VTCN1: variants seen among roughly 807,000 people sequenced by gnomAD.
VTCN1 encodes V-set domain-containing T-cell activation inhibitor 1.
In VTCN1, 26 loss-of-function variants were observed where a neutral mutation model predicts 26.5. That is an observed-to-expected ratio of 0.98 (90% CI 0.72 to 1.36). VTCN1 has a LOEUF of 1.36. Among genes scored for constraint, VTCN1 ranks in the 40% most tolerant of loss-of-function variants. The pLI is 0.00. For missense variants in VTCN1, 298 were observed against 337.7 expected, an observed-to-expected ratio of 0.88 and a Z score of 0.92; for synonymous variants, 116 against 130.7, an observed-to-expected ratio of 0.89 and a Z score of 0.77.
intron 1 of VTCN1, among the ~76,000 whole-genome samples, chr1:117,176,427 A>G (rs1403110452): frequency 7.0e-6 from 1 of 141,854 alleles, no homozygotes; most frequent in Non-Finnish European, 1.5e-5. Flanking sequence ...TTCTAAAAAC[A>G]AGAGCTTTCT....
Position 117,154,484 on chromosome 1 carries a change from C to A in VTCN1, c.446-1115G>T, listed in dbSNP as rs186396938. On this transcript the variant is annotated intron_variant, in intron 3 of 5. Coordinates refer to ENST00000369458, the MANE Select transcript of VTCN1 (RefSeq NM_024626.4). The stretch of plus-strand genomic sequence containing the variant: ...AACATCTTAACCAATGTGCATTAGT[C>A]AAAACTGAGAAACTGGAGGCCAGGC... Among the ~76,000 whole-genome samples, 21 of 152,260 alleles carry A rather than the reference C, an allele frequency of 1.4e-4. No homozygotes were observed. In the East Asian group the frequency reaches 3.7e-3, roughly 27 times the overall value.
At position 117,147,755 on chromosome 1, in the gene VTCN1, A is replaced by C; in HGVS notation, c.752T>G (p.Leu251Arg). ...TESEIKRRSH[L>R]QLLNSKASLC... ...AGAAGCCTTTGAGTTTAGCAGCTGT[A>C]GGTGACTCCGCCTTTTGATCTCCGA... Residue 251 changes from leucine (L) to arginine (R), a missense_variant, in exon 5 of 6, where the codon CTA (leucine) becomes CGA (arginine). Leu to Arg is a moderately radical substitution (Grantham distance 102). Coordinates refer to ENST00000369458, the MANE Select transcript of VTCN1 (RefSeq NM_024626.4). This position sits in a 1 kb window ranked among gnomAD's most constrained non-coding sequence, Gnocchi z 4.6. 6.2e-7 allele frequency: 1 copy of C among 1,613,972 alleles called. No individual in the cohort carries two copies. The highest frequency in any genetic ancestry group is 8.5e-7 in the Non-Finnish European group (1 of 1,179,936).
intron 1 of VTCN1, among the ~76,000 whole-genome samples, chr1:117,193,216 C>A (rs564142039): frequency 7.9e-5 from 12 of 151,972 alleles, no homozygotes; most frequent in Non-Finnish European, 1.2e-4. Context: ...TTCCTGGAAC[C>A]AATTCCCCAC....
chr1:117,197,665 C>T (rs1267082068), intron 1 of VTCN1, among the ~76,000 whole-genome samples: 1 of 152,164 alleles, frequency 6.6e-6, no homozygotes, highest in Non-Finnish European at 1.5e-5. Flanking sequence ...CCTGCTCCCA[C>T]CCTGTGGAGC....
intron 1 of VTCN1, among the ~76,000 whole-genome samples, chr1:117,197,707 G>C (rs1648585889): frequency 6.6e-6 from 1 of 151,966 alleles, no homozygotes; most frequent in African/African-American, 2.4e-5. Context: ...CTCTGCTTTT[G>C]TTGCTTCATT....
intron 1 of VTCN1, among the ~76,000 whole-genome samples, chr1:117,197,629 C>G (rs1024833079): frequency 6.6e-6 from 1 of 152,182 alleles, no homozygotes; most frequent in African/African-American, 2.4e-5. Flanking sequence ...AACTCTGTAA[C>G]AGGGCTCTTG....
At chr1:117,192,615 A>T (rs1454588568) in intron 1 of VTCN1, among the ~76,000 whole-genome samples, 6 of 152,212 alleles carry the variant, frequency 3.9e-5, no homozygotes, top group African/African-American at 1.4e-4. Context: ...CACTATTAAA[A>T]ATGTAAAGTG....
rs531199398 is a variant in VTCN1, at chr1:117,194,383, G to C, written c.32+16441C>G. Among the ~76,000 whole-genome samples the C allele has an allele frequency of 4.6e-5, 7 of 152,216 alleles. No homozygotes were observed. The East Asian group carries it at 1.2e-3, about 25-fold the overall frequency. ...AGACAAGTGATAAAAATGTTGGTGCGGATGCAGAGAAAAAGGAACATTTGT... is the reference window on the plus strand; with the variant it reads ...AGACAAGTGATAAAAATGTTGGTGCCGATGCAGAGAAAAAGGAACATTTGT... On this transcript the variant is annotated intron_variant, in intron 1 of 5. Coordinates refer to ENST00000369458, the MANE Select transcript of VTCN1 (RefSeq NM_024626.4).
rs1471899293 is a variant in VTCN1 at position 117,145,496 on chromosome 1, T to C, written c.*46-271A>G. Among the ~76,000 whole-genome samples, 1 of 152,204 alleles carries C rather than the reference T, an allele frequency of 6.6e-6. No homozygotes were observed. Among genetic ancestry groups the C allele is most frequent in the African/African-American group, 2.4e-5 (1 of 41,458 alleles). On this transcript the variant is annotated intron_variant, in intron 5 of 5. Coordinates refer to ENST00000369458, the MANE Select transcript of VTCN1 (RefSeq NM_024626.4). This position sits in a 1 kb window ranked among gnomAD's most constrained non-coding sequence, Gnocchi z 4.6. The stretch of plus-strand genomic sequence containing the variant: ...ATGGGTCCTTATAGTAAATGAGAAC[T>C]GAGAGGAGTCTGGGCAGGCTCCTGA...
chr1:117,195,670 T>A (rs577817415), intron 1 of VTCN1, among the ~76,000 whole-genome samples: 199 of 152,308 alleles, frequency 1.3e-3, no homozygotes, highest in African/African-American at 4.5e-3. Context: ...TTAAAGCATA[T>A]AAATGGTTGG....
chr1:117,166,962 G>A (rs893857845), intron 2 of VTCN1, among the ~76,000 whole-genome samples: 5 of 151,774 alleles, frequency 3.3e-5, no homozygotes, highest in African/African-American at 7.3e-5. Context: ...GTGTGGTGGT[G>A]CACGTCTGTA....
intron 1 of VTCN1, among the ~76,000 whole-genome samples, chr1:117,206,890 C>A (rs1010114293): frequency 6.6e-6 from 1 of 152,132 alleles, no homozygotes; most frequent in Non-Finnish European, 1.5e-5. Flanking sequence ...TTCCAATGTA[C>A]AATTTATCTC....
chr1:117,158,232 G>A (rs111322552), intron 2 of VTCN1, among the ~76,000 whole-genome samples: 4,465 of 152,244 alleles, frequency 0.029, 235 homozygotes, highest in African/African-American at 0.1. Flanking sequence ...TTGGGGCTCC[G>A]ACTCCATATT....
At chr1:117,166,783 A>T (rs982808172) in intron 2 of VTCN1, among the ~76,000 whole-genome samples, 4 of 152,004 alleles carry the variant, frequency 2.6e-5, no homozygotes, top group Admixed American at 1.3e-4. Context: ...TCTATATTTT[A>T]TTTCCTTATA....
Position 117,165,811 on chromosome 1 carries a change from C to T in VTCN1, c.97+4296G>A, listed in dbSNP as rs549389298. Reference sequence around the variant, plus strand: ...CTAATACATATCATCATCTGCTTAACGCTATTTGCTTAATTTCAATGTCTT... The same window carrying T: ...CTAATACATATCATCATCTGCTTAATGCTATTTGCTTAATTTCAATGTCTT... On this transcript the variant is annotated intron_variant, in intron 2 of 5. Coordinates refer to ENST00000369458, the MANE Select transcript of VTCN1 (RefSeq NM_024626.4). 1.5e-4 allele frequency among the ~76,000 whole-genome samples: 23 copies of T among 152,312 alleles called. 1 individual carries two copies. The South Asian group carries it at 3.3e-3, about 22-fold the overall frequency.
chr1:117,199,347 A>G (rs1648678045), intron 1 of VTCN1, among the ~76,000 whole-genome samples: 1 of 152,080 alleles, frequency 6.6e-6, no homozygotes, highest in African/African-American at 2.4e-5. Context: ...TCTTTTTGAG[A>G]CTGAGTCTCA....
intron 1 of VTCN1, among the ~76,000 whole-genome samples, chr1:117,174,794 A>G (rs1206991053): frequency 6.6e-6 from 1 of 152,224 alleles, no homozygotes; most frequent in Admixed American, 6.5e-5. Context: ...ACAAATTTCA[A>G]AGAAAGTGAA....
Position 117,153,357 on chromosome 1 carries a change from G to T in VTCN1, c.458C>A (p.Pro153Gln), listed in dbSNP as rs757275063. Residue 153 changes from proline to glutamine, a missense_variant, in exon 4 of 6, where the codon CCG (proline) becomes CAG (glutamine). Physicochemically the swap from Pro to Gln is moderately conservative, Grantham distance 76. Coordinates refer to ENST00000369458, the MANE Select transcript of VTCN1 (RefSeq NM_024626.4). ...GGCATTATAGTCCACATTCACTTCCGGCATGCTGAAGGCTGCAGGGTCAAA... is the reference window on the plus strand; with the variant it reads ...GGCATTATAGTCCACATTCACTTCCTGCATGCTGAAGGCTGCAGGGTCAAA... ...LEYKTGAFSM[P>Q]EVNVDYNASS... The T allele has an allele frequency of 6.2e-7, 1 of 1,607,192 alleles. No homozygotes were observed. The highest frequency in any genetic ancestry group is 1.3e-5 in the African/African-American group (1 of 74,728).
intron 1 of VTCN1, among the ~76,000 whole-genome samples, chr1:117,184,151 T>A (rs1647815520): frequency 1.3e-5 from 2 of 152,182 alleles, no homozygotes; most frequent in Non-Finnish European, 2.9e-5. Context: ...GAATATATAT[T>A]TTTTTCTTTA....
Sources: gnomAD v4.1 joint callset for allele counts (sites outside exome capture counted in the v4.1 genomes callset) on GRCh38, gnomAD v4.1.1 for gene constraint, Gnocchi (gnomAD v3.1) non-coding constraint, MANE v1.5 for transcripts, NCBI Gene and HGNC (gene_info 2026-07-23, HGNC 2026-07-21) for gene names.